ITPR2: variants seen among roughly 807,000 people sequenced by gnomAD.
ITPR2 encodes the protein inositol 1,4,5-trisphosphate-gated calcium channel ITPR2.
Under a neutral mutation model 317.1 loss-of-function variants are expected in ITPR2, and 207 were observed. That is an observed-to-expected ratio of 0.65 (90% CI 0.58 to 0.73). The LOEUF (loss-of-function observed/expected upper bound fraction) is 0.73. Among genes scored for constraint, ITPR2 ranks in the 30% least tolerant of loss-of-function variants. The pLI is 0.00. For synonymous variants in ITPR2, 1,156 were observed against 1,149.1 expected, an observed-to-expected ratio of 1.01 and a Z score of -0.12; for missense variants, 2,613 against 3,284.0, an observed-to-expected ratio of 0.80 and a Z score of 4.99.
chr12:26,671,092 C>T (rs373010027), intron 13 of ITPR2, among the ~76,000 whole-genome samples: 19,928 of 151,612 alleles, frequency 0.13, 1,658 homozygotes, highest in Non-Finnish European at 0.19. Flanking sequence ...CTGAAAGTGA[C>T]GGGGAGAATG....
chr12:26,509,790 T>C (rs1160631813), intron 37 of ITPR2, among the ~76,000 whole-genome samples: 1 of 152,080 alleles, frequency 6.6e-6, no homozygotes, highest in Non-Finnish European at 1.5e-5. Context: ...GCACTGAATA[T>C]AGGCTAGACA....
intron 26 of ITPR2, among the ~76,000 whole-genome samples, chr12:26,606,459 C>A (rs1319205080): frequency 6.6e-6 from 1 of 151,154 alleles, no homozygotes. Context: ...AAACAAGAGA[C>A]CAAGAATAGT....
At chr12:26,378,789 G>A (rs1401565023) in intron 55 of ITPR2, among the ~76,000 whole-genome samples, 2 of 152,204 alleles carry the variant, frequency 1.3e-5, no homozygotes, top group African/African-American at 2.4e-5. Context: ...TGTAATAATT[G>A]TAATTGTAAT....
intron 55 of ITPR2, among the ~76,000 whole-genome samples, chr12:26,361,050 C>G (rs1938812858): frequency 6.6e-6 from 1 of 151,954 alleles, no homozygotes; most frequent in Admixed American, 6.6e-5. Context: ...CCCATCTCTA[C>G]TAAAAATACA....
chr12:26,627,547 A>C (rs1443739744), intron 23 of ITPR2: 2 of 153,170 alleles, frequency 1.3e-5, no homozygotes, highest in Admixed American at 1.3e-4. Flanking sequence ...CACCCTCCAC[A>C]CCATTCTAGG....
intron 37 of ITPR2, among the ~76,000 whole-genome samples, chr12:26,524,055 G>A (rs1272399337): frequency 6.6e-6 from 1 of 152,176 alleles, no homozygotes; most frequent in Non-Finnish European, 1.5e-5. Context: ...CCTACTGGTA[G>A]AAACAGTTCA....
intron 55 of ITPR2, among the ~76,000 whole-genome samples, chr12:26,367,980 G>C (rs7976546): frequency 0.78 from 119,285 of 152,156 alleles, 46,717 homozygotes; most frequent in Admixed American, 0.83. Flanking sequence ...CTGCAGACCA[G>C]AGCTGGCAAC....
chr12:26,348,807 G>A (rs1938386575), intron 55 of ITPR2, among the ~76,000 whole-genome samples: 1 of 152,178 alleles, frequency 6.6e-6, no homozygotes, highest in Non-Finnish European at 1.5e-5. Flanking sequence ...GGTCAACATA[G>A]CAAGACCTCA....
intron 46 of ITPR2, among the ~76,000 whole-genome samples, chr12:26,443,052 T>TG (rs773471048): frequency 2.5e-4 from 38 of 152,038 alleles, no homozygotes; most frequent in East Asian, 1.5e-3. Context: ...ATGAGGGTGG[T>TG]GGAGGGGTCA....
chr12:26,683,303 T>G (rs756128182), intron 11 of ITPR2, among the ~76,000 whole-genome samples: 24 of 152,134 alleles, frequency 1.6e-4, no homozygotes, highest in Admixed American at 1.4e-3. Context: ...CAAGCTGAAG[T>G]GGAACAAGGT....
intron 21 of ITPR2, among the ~76,000 whole-genome samples, chr12:26,637,498 T>C (rs897125798): frequency 7.2e-5 from 11 of 152,194 alleles, no homozygotes; most frequent in African/African-American, 2.7e-4. Flanking sequence ...GTGTGATATT[T>C]GTCAAATCAT....
intron 47 of ITPR2, 149 bp from the exon 48 acceptor site, chr12:26,436,495 T>C (rs1476214096): frequency 2.9e-6 from 2 of 693,506 alleles, no homozygotes; most frequent in Non-Finnish European, 4.5e-6. Flanking sequence ...CTTGAGTAAG[T>C]TTATTAAAAA....
intron 37 of ITPR2, among the ~76,000 whole-genome samples, chr12:26,497,400 T>C (rs940184094): frequency 1.5e-5 from 1 of 65,782 alleles, no homozygotes; most frequent in Non-Finnish European, 4.0e-5. Context: ...CTGATCCGCC[T>C]GCCTCGGCCT....
intron 2 of ITPR2, among the ~76,000 whole-genome samples, chr12:26,755,331 C>G (rs1949500849): frequency 6.6e-6 from 1 of 152,076 alleles, no homozygotes. Context: ...TTTCTGATAA[C>G]TTTGGAGATT....
chr12:26,522,258 C>T lies in ITPR2; in HGVS notation c.5074-26998G>A, dbSNP rs377496031. Reference sequence around the variant, plus strand: ...ATAGTGTTCATCCTGTTTATACACACACACACATCAGAAGTACAGCATAGA... The same window carrying T: ...ATAGTGTTCATCCTGTTTATACACATACACACATCAGAAGTACAGCATAGA... On this transcript the variant is annotated intron_variant, in intron 37 of 56. Coordinates refer to ENST00000381340, the MANE Select transcript of ITPR2 (RefSeq NM_002223.4). Among the ~76,000 whole-genome samples the T allele has an allele frequency of 5.9e-5, 9 of 152,166 alleles. No individual in the cohort carries two copies. In the East Asian group the frequency reaches 1.2e-3, roughly 20 times the overall value.
intron 2 of ITPR2, among the ~76,000 whole-genome samples, chr12:26,730,969 T>C (rs74582011): frequency 7.7e-4 from 118 of 152,306 alleles, no homozygotes; most frequent in African/African-American, 2.8e-3. Context: ...AGTTTTGAAA[T>C]GTTTTGCTTT....
At chr12:26,463,431 C>G (rs954162436) in intron 45 of ITPR2, among the ~76,000 whole-genome samples, 1 of 152,214 alleles carries the variant, frequency 6.6e-6, no homozygotes, top group Middle Eastern at 3.4e-3. Flanking sequence ...CTTTGGGAGG[C>G]TGAGGTGGGC....
At chr12:26,377,412 T>TA in intron 55 of ITPR2, among the ~76,000 whole-genome samples, 1 of 152,270 alleles carries the variant, frequency 6.6e-6, no homozygotes, top group South Asian at 2.1e-4. Flanking sequence ...AACACATCTT[T>TA]AAAAAATAAA....
At position 26,339,453 on chromosome 12, in the gene ITPR2, G is replaced by GTC; in HGVS notation, c.8048_8049dup (p.Leu2684AspfsTer12). ...GGTGTGTTTGATCCGAGGAAGCCCA[G>GTC]TCTCTGCTTATTCTTCCTTTGTTCT... On this transcript the variant is annotated frameshift_variant, in exon 57 of 57. Transcript: ENST00000381340. LOFTEE classifies it high-confidence loss of function. The GTC allele has an allele frequency of 6.2e-7, 1 of 1,613,886 alleles. No homozygotes were observed. The highest frequency in any genetic ancestry group is 8.5e-7 in the Non-Finnish European group (1 of 1,179,882).
Sources: gnomAD v4.1 joint callset for allele counts (sites outside exome capture counted in the v4.1 genomes callset) on GRCh38, gnomAD v4.1.1 for gene constraint, MANE v1.5 for transcripts, NCBI Gene and HGNC (gene_info 2026-07-23, HGNC 2026-07-21) for gene names.